Variants in SLC1A7 observed in about 807,000 individuals in gnomAD.
SLC1A7 encodes the protein solute carrier family 1 member 7.
A neutral mutation model predicts 47.7 loss-of-function variants in SLC1A7; 40 were observed. That is an observed-to-expected ratio of 0.84 (90% confidence interval 0.65 to 1.09). The LOEUF (loss-of-function observed/expected upper bound fraction) is 1.09. Ranked by LOEUF, SLC1A7 falls within the 50% of genes least tolerant of loss-of-function variation. The probability of loss-of-function intolerance (pLI) is 0.00; values close to 1 mark genes in which losing one functional copy is unlikely to be tolerated. For synonymous variants in SLC1A7, 323 were observed against 325.6 expected, an observed-to-expected ratio of 0.99 and a Z score of 0.09; for missense variants, 746 against 769.5, an observed-to-expected ratio of 0.97 and a Z score of 0.36.
rs1260825939 is a variant in SLC1A7, at chr1:53,129,647, C to T, written c.215+4703G>A. The stretch of plus-strand genomic sequence containing the variant: ...AGCTCCAACCCCGCTGGCCCCACTG[C>T]CCTCCCACTGGGCCTCCTTTCTCCA... On this transcript the variant is annotated intron_variant, in intron 2 of 10. Coordinates refer to ENST00000371494, the MANE Select transcript of SLC1A7 (RefSeq NM_006671.6). 6.3e-5 allele frequency among the ~76,000 whole-genome samples: 9 copies of T among 142,074 alleles called. 2 individuals are homozygous for T. Among genetic ancestry groups the T allele is most frequent in the African/African-American group, 2.3e-4 (9 of 38,374 alleles). The allele number at this position is 142,074 out of a possible 152,430, so 93.2% of individuals were successfully genotyped here. A position where few individuals can be genotyped will look rare whatever the true frequency, so the allele number is the denominator to read the frequency against.
chr1:53,094,527 ACAC>A (rs1644462424), intron 5 of SLC1A7, among the ~76,000 whole-genome samples: 1 of 152,078 alleles, frequency 6.6e-6, no homozygotes, highest in Non-Finnish European at 1.5e-5. Context: ...GGCCTGTGGG[ACAC>A]CAGAGAAGGG....
At chr1:53,133,148 C>A (rs530762051) in intron 2 of SLC1A7, among the ~76,000 whole-genome samples, 1 of 152,150 alleles carries the variant, frequency 6.6e-6, no homozygotes, top group East Asian at 1.9e-4. Flanking sequence ...ATCAGCTGCA[C>A]CCATGGCTGT....
rs1477566792 is a variant in SLC1A7 at position 53,129,529 on chromosome 1, G to GT, written c.215+4820_215+4821insA. On this transcript the variant is annotated intron_variant, in intron 2 of 10. Transcript: ENST00000371494. Reference sequence around the variant, plus strand: ...GGACTGAAGCACACATGTCTGAGGAGGGACTTGGGCCAGGGGCTGGGTTGG... The same window carrying GT: ...GGACTGAAGCACACATGTCTGAGGAGTGGACTTGGGCCAGGGGCTGGGTTGG... 8.1e-3 allele frequency among the ~76,000 whole-genome samples: 802 copies of GT among 98,438 alleles called. 1 individual carries two copies. The highest frequency in any genetic ancestry group is 0.015 in the East Asian group (49 of 3,272). 64.6% of individuals were successfully genotyped at this position (98,438 alleles called of 152,430 possible). A position where few individuals can be genotyped will look rare whatever the true frequency, so the allele number is the denominator to read the frequency against.
chr1:53,087,991 C>T lies in SLC1A7; in HGVS notation c.*18G>A, dbSNP rs920099864. 2.1e-6 allele frequency: 3 copies of T among 1,436,604 alleles called. No homozygotes were observed. The highest frequency in any genetic ancestry group is 2.8e-6 in the Non-Finnish European group (3 of 1,075,892). The allele number at this position is 1,436,604 out of a possible 1,614,324, so 89.0% of individuals were successfully genotyped here. A position where few individuals can be genotyped will look rare whatever the true frequency, so the allele number is the denominator to read the frequency against. ...CCCTGCCCCTGGAGGCCTCGCCTGC[C>T]CCTGCAGCTCCGCAGGCTCAGACAT... On this transcript the variant is annotated 3_prime_UTR_variant, in exon 11 of 11. Coordinates refer to ENST00000371494, the MANE Select transcript of SLC1A7 (RefSeq NM_006671.6).
At chr1:53,093,412 C>T in intron 6 of SLC1A7, 49 bp downstream of exon 6, 1 of 1,401,938 alleles carries the variant, frequency 7.1e-7, no homozygotes, top group Non-Finnish European at 9.9e-7. Flanking sequence ...GTCTTCCCTC[C>T]ATCCACCCAG....
intron 2 of SLC1A7, among the ~76,000 whole-genome samples, chr1:53,128,394 T>C (rs1644906203): frequency 6.6e-6 from 1 of 152,164 alleles, no homozygotes; most frequent in Non-Finnish European, 1.5e-5. Flanking sequence ...GGAGGATCGA[T>C]TGAGCCCTGG....
At chr1:53,127,898 G>T (rs1644900504) in intron 2 of SLC1A7, among the ~76,000 whole-genome samples, 1 of 152,218 alleles carries the variant, frequency 6.6e-6, no homozygotes, top group African/African-American at 2.4e-5. Flanking sequence ...ACAGAGCCCA[G>T]CGGACACCTG....
chr1:53,117,190 G>A (rs1323134477), intron 2 of SLC1A7, among the ~76,000 whole-genome samples: 1 of 152,222 alleles, frequency 6.6e-6, no homozygotes, highest in Non-Finnish European at 1.5e-5. Context: ...GTGGAAGGCA[G>A]AAGGGAGGCT....
intron 7 of SLC1A7, among the ~76,000 whole-genome samples, chr1:53,091,940 A>T (rs1288405): frequency 6.6e-6 from 1 of 152,134 alleles, no homozygotes; most frequent in African/African-American, 2.4e-5. Context: ...CACTGGGCTG[A>T]GGTTTGGGAT....
At chr1:53,115,166 C>T (rs979357854) in intron 2 of SLC1A7, 193 bp from the exon 3 acceptor site, 24 of 609,372 alleles carry the variant, frequency 3.9e-5, no homozygotes, top group East Asian at 2.5e-4. Context: ...CGCCCCGGGG[C>T]GCAGGCCACA....
In SLC1A7 at chr1:53,092,787, C is replaced by G. The variant is rs370082225; in HGVS notation, c.798G>C (p.Trp266Cys). Reference sequence around the variant, plus strand: ...GGAACACAATGCCGAAGGGGAAATACCTGGGGGCGGCGGGGCAGCCAGGCT... The same window carrying G: ...GGAACACAATGCCGAAGGGGAAATAGCTGGGGGCGGCGGGGCAGCCAGGCT... ...SVMKIVAVAV[W>C]YFPFGIVFLI... The change falls in exon 7 of 11, where the codon TGG (tryptophan) becomes TGC (cysteine). Residue 266 changes from tryptophan (W) to cysteine (C), a missense_variant and splice_region_variant. Trp to Cys is a radical substitution (Grantham distance 215, BLOSUM62 -2). Transcript: ENST00000371494. 1.2e-4 allele frequency: 196 copies of G among 1,605,966 alleles called. No individual in the cohort carries two copies. The highest frequency in any genetic ancestry group is 1.6e-4 in the Non-Finnish European group (189 of 1,173,200).
chr1:53,116,689 C>G (rs1644765416), intron 2 of SLC1A7, among the ~76,000 whole-genome samples: 1 of 152,188 alleles, frequency 6.6e-6, no homozygotes, highest in Non-Finnish European at 1.5e-5. Context: ...ATGACAGAAC[C>G]CCCCGCAGTG....
At chr1:53,095,527 C>T (rs1644475993) in intron 5 of SLC1A7, among the ~76,000 whole-genome samples, 1 of 150,150 alleles carries the variant, frequency 6.7e-6, no homozygotes, top group African/African-American at 2.5e-5. Context: ...CCTCGTTACA[C>T]TCACACCGCC....
chr1:53,105,695 C>T, intron 4 of SLC1A7, 37 bp downstream of exon 4: 1 of 1,547,592 alleles, frequency 6.5e-7, no homozygotes, highest in Non-Finnish European at 8.9e-7. Flanking sequence ...TGCCTGCTGC[C>T]CCTTCCCTCC....
chr1:53,098,112 G>A (rs999768815), intron 5 of SLC1A7, among the ~76,000 whole-genome samples: 8 of 135,340 alleles, frequency 5.9e-5, no homozygotes, highest in East Asian at 2.4e-4. Context: ...ACTTTGCCTC[G>A]GTACACTCAC....
chr1:53,117,782 G>A (rs967113371), intron 2 of SLC1A7, among the ~76,000 whole-genome samples: 1 of 152,234 alleles, frequency 6.6e-6, no homozygotes, highest in Non-Finnish European at 1.5e-5. Flanking sequence ...CGGGGGTGGC[G>A]CCAACTCAGG....
At chr1:53,132,662 A>G (rs930158860) in intron 2 of SLC1A7, among the ~76,000 whole-genome samples, 3 of 152,146 alleles carry the variant, frequency 2.0e-5, no homozygotes, top group South Asian at 2.1e-4. Flanking sequence ...CCTGGGCAAC[A>G]TGGTGAGACC....
intron 2 of SLC1A7, among the ~76,000 whole-genome samples, chr1:53,126,501 C>T (rs1193152727): frequency 1.3e-5 from 2 of 152,208 alleles, no homozygotes; most frequent in African/African-American, 4.8e-5. Context: ...TAAATGTACC[C>T]ACCAGCAAGC....
At chr1:53,100,928 C>T (rs1644568843) in intron 5 of SLC1A7, among the ~76,000 whole-genome samples, 1 of 151,532 alleles carries the variant, frequency 6.6e-6, no homozygotes, top group African/African-American at 2.4e-5. Flanking sequence ...CCTCAGTCCA[C>T]TCACACACCC....
Sources: gnomAD v4.1 joint callset for allele counts (sites outside exome capture counted in the v4.1 genomes callset) on GRCh38, gnomAD v4.1.1 for gene constraint, MANE v1.5 for transcripts, NCBI Gene and HGNC (gene_info 2026-07-23, HGNC 2026-07-21) for gene names.